Variants in ADAMTS13 observed in about 807,000 individuals in gnomAD.
ADAMTS13 encodes A disintegrin and metalloproteinase with thrombospondin motifs 13.
ADAMTS13 carries 110 observed loss-of-function variants against 155.1 expected under a neutral mutation model. The observed-to-expected ratio is 0.71, with a 90% CI of 0.61 to 0.83. The LOEUF (loss-of-function observed/expected upper bound fraction) is 0.83, where lower values mean the gene tolerates loss of function less well. Ranked by LOEUF, ADAMTS13 falls within the 40% of genes least tolerant of loss-of-function variation. The pLI is 0.00. For synonymous variants in ADAMTS13, 758 were observed against 756.4 expected (o/e 1.00, Z -0.03); for missense variants, 1,707 against 1,891.7 (o/e 0.90, Z 1.81).
At chr9:133,454,746 C>A in intron 24 of ADAMTS13, 127 bp downstream of exon 24, 1 of 1,246,466 alleles carries the variant, frequency 8.0e-7, no homozygotes, top group Non-Finnish European at 1.1e-6. Context: ...GAGAGCTGCG[C>A]CCGTTGGTGA....
Position 133,425,896 on chromosome 9 carries a change from G to C in ADAMTS13, c.415-42G>C. 6.2e-7 allele frequency: 1 copy of C among 1,611,750 alleles called. No individual in the cohort carries two copies. On this transcript the variant is annotated intron_variant, in intron 4 of 28. Transcript: ENST00000355699. The surrounding 1 kb of genome is among the most constrained non-coding windows in gnomAD (Gnocchi z 4.6). ...ACCGACCGCAGTCAGCACCGTGCCTGGTTGGGGTGTCCTAAATGCAGGCTT... is the reference window on the plus strand; with the variant it reads ...ACCGACCGCAGTCAGCACCGTGCCTCGTTGGGGTGTCCTAAATGCAGGCTT...
chr9:133,449,860 C>T lies in ADAMTS13; in HGVS notation c.2939C>T (p.Ala980Val). The change falls in exon 23 of 29, where the codon GCC (alanine) becomes GTC (valine). Residue 980 changes from alanine (A) to valine (V), a missense_variant. Ala to Val is a moderately conservative substitution (Grantham distance 64). Coordinates refer to ENST00000355699, the MANE Select transcript of ADAMTS13 (RefSeq NM_139027.6). The part of the protein sequence containing the change: ...VVRRILYCAR[A>V]HGEDDGEEIL... ...CGGAGGATCCTGTATTGTGCCCGGG[C>T]CCATGGGGAGGACGATGGTGAGGAG... 1.2e-6 allele frequency: 2 copies of T among 1,614,046 alleles called. No individual in the cohort carries two copies. The highest frequency in any genetic ancestry group is 1.3e-5 in the African/African-American group (1 of 75,034).
At chr9:133,436,776 A>AGGGGGGGGGGGGGGGGG in intron 11 of ADAMTS13, 53 bp from the exon 12 acceptor site, 1 of 715,602 alleles carries the variant, frequency 1.4e-6, no homozygotes, top group Non-Finnish European at 2.2e-6. Context: ...CCCAGTGACA[A>AGGGGGGGGGGGGGGGGG]CACCCGCCCC....
chr9:133,416,972 T>C (rs782443280), intron 1 of ADAMTS13, among the ~76,000 whole-genome samples: 3 of 152,196 alleles, frequency 2.0e-5, no homozygotes, highest in Non-Finnish European at 4.4e-5. Context: ...TACACAGGAA[T>C]CTTCTTTCTC....
chr9:133,456,307 A>G lies in ADAMTS13; in HGVS notation c.3547+92A>G, dbSNP rs1250703883. ...CATGCCCCATTCCTGGCAGGAGCCC[A>G]TGTGCATTCCCACCTGTAGTTTGCA... is the stretch of plus-strand genomic sequence containing the variant. On this transcript the variant is annotated intron_variant, in intron 26 of 28. Transcript: ENST00000355699. The surrounding 1 kb of genome is among the most constrained non-coding windows in gnomAD (Gnocchi z 4.4). 1.3e-6 allele frequency: 2 copies of G among 1,583,996 alleles called. No individual in the cohort carries two copies. Among genetic ancestry groups the G allele is most frequent in the Admixed American group, 3.5e-5 (2 of 57,796 alleles).
chr9:133,425,413 G>A lies in ADAMTS13; in HGVS notation c.331-116G>A. Reference sequence around the variant, plus strand: ...CCCGCCCCGCCCGGTTCCCACACATGCTGGTGGAGTAGCCTCTCCAGCTCT... The same window carrying A: ...CCCGCCCCGCCCGGTTCCCACACATACTGGTGGAGTAGCCTCTCCAGCTCT... On this transcript the variant is annotated intron_variant, in intron 3 of 28. Transcript: ENST00000355699. The surrounding 1 kb of genome is among the most constrained non-coding windows in gnomAD (Gnocchi z 4.6). 1.2e-6 allele frequency: 1 copy of A among 830,314 alleles called. No individual in the cohort carries two copies. Among genetic ancestry groups the A allele is most frequent in the South Asian group, 1.6e-5 (1 of 61,810 alleles). 51.4% of individuals were successfully genotyped at this position (830,314 alleles called of 1,614,324 possible). A position where few individuals can be genotyped will look rare whatever the true frequency, so the allele number is the denominator to read the frequency against.
chr9:133,443,367 C>T lies in ADAMTS13; in HGVS notation c.2235-9C>T. On this transcript the variant is annotated splice_polypyrimidine_tract_variant and intron_variant, in intron 18 of 28. Transcript: ENST00000355699. Reference sequence around the variant, plus strand: ...GGCCAGGGTCCCGACGCTCTGTCTCCTTCCTCAGCTGGGCGGTGGGAGACT... The same window carrying T: ...GGCCAGGGTCCCGACGCTCTGTCTCTTTCCTCAGCTGGGCGGTGGGAGACT... The T allele has an allele frequency of 1.9e-6, 3 of 1,592,438 alleles. No individual in the cohort carries two copies. The highest frequency in any genetic ancestry group is 1.1e-5 in the South Asian group (1 of 88,876).
At chr9:133,439,493 T>A in intron 15 of ADAMTS13, 47 bp downstream of exon 15, 1 of 1,520,688 alleles carries the variant, frequency 6.6e-7, no homozygotes, top group Non-Finnish European at 9.1e-7. Context: ...ACTGCAAAGG[T>A]GCAGAGCACT....
rs782193624 is a variant in ADAMTS13 at position 133,422,449 on chromosome 9, C to T, written c.6C>T (p.His2=). 21 of 1,613,678 alleles carry T rather than the reference C, an allele frequency of 1.3e-5. No individual in the cohort carries two copies. In the South Asian group the frequency reaches 2.1e-4, roughly 16 times the overall value. Residue 2 remains histidine (H), a synonymous_variant, in exon 1 of 29, where the codon CAC becomes CAT. Coordinates refer to ENST00000355699, the MANE Select transcript of ADAMTS13 (RefSeq NM_139027.6). M[H]QRHPRARCPP... ...TCGGGCTGGCTCTCCTGAGGATGCA[C>T]CAGCGTCACCCCCGGGCAAGATGCC...
rs1389840538 is a variant in ADAMTS13 at position 133,456,916 on chromosome 9, C to T, written c.3724+197C>T. The T allele has an allele frequency of 2.7e-6, 2 of 738,344 alleles. No homozygotes were observed. Among genetic ancestry groups the T allele is most frequent in the Admixed American group, 2.0e-5 (1 of 49,776 alleles). 45.7% of individuals were successfully genotyped at this position (738,344 alleles called of 1,614,324 possible). On this transcript the variant is annotated intron_variant, in intron 27 of 28. Transcript: ENST00000355699. The surrounding 1 kb of genome is among the most constrained non-coding windows in gnomAD (Gnocchi z 4.4). ...AGGGGTCACAGGATGAATGCTATAT[C>T]CCTCCTTTTTGGGACCGTGCAGCAA...
At position 133,433,677 on chromosome 9, in the gene ADAMTS13, C is replaced by A; in HGVS notation, c.1281C>A (p.Asp427Glu). 1.2e-6 allele frequency: 2 copies of A among 1,613,790 alleles called. No homozygotes were observed. Among genetic ancestry groups the A allele is most frequent in the Non-Finnish European group, 8.5e-7 (1 of 1,179,994 alleles). Reference protein sequence around the residue: ...AFGGRACVGADLQAEMCNTQA... With the variant: ...AFGGRACVGAELQAEMCNTQA... ...GGGGGCGTGCATGTGTTGGTGCTGACCTCCAGGCCGAGATGTGCAACACTC... is the reference window on the plus strand; with the variant it reads ...GGGGGCGTGCATGTGTTGGTGCTGAACTCCAGGCCGAGATGTGCAACACTC... Residue 427 changes from aspartate to glutamate, a missense_variant, in exon 11 of 29, where the codon GAC (aspartate) becomes GAA (glutamate). Physicochemically the swap from Asp to Glu is conservative, Grantham distance 45. Coordinates refer to ENST00000355699, the MANE Select transcript of ADAMTS13 (RefSeq NM_139027.6).
intron 7 of ADAMTS13, 111 bp from the exon 8 acceptor site, chr9:133,429,828 A>C: frequency 7.0e-7 from 1 of 1,423,650 alleles, no homozygotes; most frequent in East Asian, 2.5e-5. Context: ...GTTCCCACTC[A>C]CAAAAGGCCA....
rs367899892 is a variant in ADAMTS13 at position 133,429,921 on chromosome 9, A to G, written c.825-18A>G. The G allele has an allele frequency of 3.9e-6, 6 of 1,534,478 alleles. No homozygotes were observed. In the African/African-American group the frequency reaches 5.5e-5, roughly 14 times the overall value. ...ACACCCCGGGACTGAGCCGGGCCTG[A>G]GCCGGGCCTTGTCGCAGCGCAGGAC... On this transcript the variant is annotated intron_variant, in intron 7 of 28. Transcript: ENST00000355699.
At chr9:133,433,256 G>A (rs1554788002) in intron 9 of ADAMTS13, 122 bp from the exon 10 acceptor site, 8 of 1,375,378 alleles carry the variant, frequency 5.8e-6, no homozygotes, top group South Asian at 1.2e-5. Flanking sequence ...GGGGGTCGCT[G>A]TGGGTGGGGT....
At chr9:133,442,836 C>T (rs1841777538) in intron 18 of ADAMTS13, 93 bp downstream of exon 18, 1 of 1,488,690 alleles carries the variant, frequency 6.7e-7, no homozygotes, top group African/African-American at 1.4e-5. Flanking sequence ...GCCCATGTGG[C>T]AGGGCCGGGC....
chr9:133,419,517 G>A (rs1839858164), upstream of ADAMTS13, among the ~76,000 whole-genome samples: 1 of 152,192 alleles, frequency 6.6e-6, no homozygotes, highest in Non-Finnish European at 1.5e-5. Flanking sequence ...GTTAAGACCA[G>A]ATAGCAGGTG....
At chr9:133,414,745 A>G (rs1554781145) in intron 1 of ADAMTS13, 1 of 1,613,860 alleles carries the variant, frequency 6.2e-7, no homozygotes, top group East Asian at 2.2e-5. Flanking sequence ...CAATATCACC[A>G]TTTGTCCTTT....
Position 133,440,579 on chromosome 9 carries a change from G to T in ADAMTS13, c.1968+54G>T. On this transcript the variant is annotated intron_variant, in intron 16 of 28. Coordinates refer to ENST00000355699, the MANE Select transcript of ADAMTS13 (RefSeq NM_139027.6). The surrounding 1 kb of genome is among the most constrained non-coding windows in gnomAD (Gnocchi z 4.3). The stretch of plus-strand genomic sequence containing the variant: ...TGGGGGCTTCTTCTTGGGGGCTATG[G>T]CTGCTTGCTCGTTTGTCTATCCATC... The T allele has an allele frequency of 6.6e-7, 1 of 1,509,152 alleles. No homozygotes were observed. Among genetic ancestry groups the T allele is most frequent in the South Asian group, 1.2e-5 (1 of 80,088 alleles). 93.5% of individuals were successfully genotyped at this position (1,509,152 alleles called of 1,614,324 possible).
intron 18 of ADAMTS13, 66 bp from the exon 19 acceptor site, chr9:133,443,310 C>A: frequency 6.5e-7 from 1 of 1,533,694 alleles, no homozygotes; most frequent in South Asian, 1.2e-5. Context: ...TCAGCACCTG[C>A]CACCCCATCA....
Sources: gnomAD v4.1 joint callset for allele counts (sites outside exome capture counted in the v4.1 genomes callset) on GRCh38, gnomAD v4.1.1 for gene constraint, Gnocchi (gnomAD v3.1) non-coding constraint, MANE v1.5 for transcripts, NCBI Gene and HGNC (gene_info 2026-07-23, HGNC 2026-07-21) for gene names.